C11orf97: variants seen among roughly 807,000 people sequenced by gnomAD.
C11orf97 encodes the protein uncharacterized protein C11orf97.
Under a neutral mutation model 16.2 loss-of-function variants are expected in C11orf97, and 15 were observed. That is an observed-to-expected ratio of 0.93 (90% confidence interval 0.62 to 1.43). The LOEUF is 1.43. C11orf97 is among the 40% of genes most tolerant of loss of function. C11orf97 has a pLI of 0.00. For synonymous variants in C11orf97, 61 were observed against 65.7 expected (o/e 0.93, Z 0.34); for missense variants, 171 against 161.2 (o/e 1.06, Z -0.33).
chr11:94,524,763 A>G (rs1947686543), intron 2 of C11orf97, among the ~76,000 whole-genome samples: 1 of 152,210 alleles, frequency 6.6e-6, no homozygotes, highest in African/African-American at 2.4e-5. Context: ...TTTCAAAAAG[A>G]AAAATGTAGA....
chr11:94,517,033 C>G lies in C11orf97; in HGVS notation c.146-550C>G, dbSNP rs144169012. ...TTAAAACAAACAATTCAGTCCTTGA[C>G]TGTAGTAGTCATGTCCTATAGGTCC... is the stretch of plus-strand genomic sequence containing the variant. On this transcript the variant is annotated intron_variant, in intron 1 of 3. Coordinates refer to ENST00000542198, the MANE Select transcript of C11orf97 (RefSeq NM_001190462.2). 3.2e-3 allele frequency among the ~76,000 whole-genome samples: 484 copies of G among 152,362 alleles called. 4 individuals carry two copies. The highest frequency in any genetic ancestry group is 0.011 in the African/African-American group (467 of 41,586).
At chr11:94,516,977 A>G (rs1947615919) in intron 1 of C11orf97, among the ~76,000 whole-genome samples, 1 of 152,198 alleles carries the variant, frequency 6.6e-6, no homozygotes, top group African/African-American at 2.4e-5. Context: ...GGGCTGAGCT[A>G]CATTTCTGAG....
intron 1 of C11orf97, among the ~76,000 whole-genome samples, chr11:94,516,541 G>A (rs1236399113): frequency 6.6e-6 from 1 of 152,136 alleles, no homozygotes; most frequent in Admixed American, 6.5e-5. Flanking sequence ...CTGATGAACT[G>A]AAGAGACAAC....
rs556661417 is a variant in C11orf97 at position 94,519,809 on chromosome 11, G to A, written c.250+2122G>A. On this transcript the variant is annotated intron_variant, in intron 2 of 3. Coordinates refer to ENST00000542198, the MANE Select transcript of C11orf97 (RefSeq NM_001190462.2). The stretch of plus-strand genomic sequence containing the variant: ...GTTTTTAAAATATATATCATGGCTA[G>A]AAGCCACATACCATTGGCCAGAACA... Among the ~76,000 whole-genome samples the A allele has an allele frequency of 1.6e-4, 24 of 152,328 alleles. 1 individual carries two copies. The East Asian group carries it at 4.6e-3, about 29-fold the overall frequency.
At chr11:94,514,078 G>A (rs1290377388) in intron 1 of C11orf97, among the ~76,000 whole-genome samples, 1 of 152,088 alleles carries the variant, frequency 6.6e-6, no homozygotes, top group African/African-American at 2.4e-5. Flanking sequence ...CCAAAGTGCT[G>A]GGATTACAGG....
chr11:94,531,868 A>T, intron 3 of C11orf97, 28 bp from the exon 4 acceptor site: 1 of 1,413,000 alleles, frequency 7.1e-7, no homozygotes, highest in Admixed American at 3.1e-5. Context: ...TAAAACACTT[A>T]TTTTTTCACT....
At chr11:94,513,247 T>C (rs1381448658) in intron 1 of C11orf97, among the ~76,000 whole-genome samples, 1 of 152,194 alleles carries the variant, frequency 6.6e-6, no homozygotes, top group East Asian at 1.9e-4. Context: ...TAACGCACTG[T>C]TCTTTGCTCT....
At chr11:94,513,623 G>A (rs1285395451) in intron 1 of C11orf97, among the ~76,000 whole-genome samples, 2 of 152,188 alleles carry the variant, frequency 1.3e-5, no homozygotes, top group Non-Finnish European at 1.5e-5. Flanking sequence ...CTCCTCCCCA[G>A]AGACCTCATC....
At position 94,517,789 on chromosome 11, in the gene C11orf97, G is replaced by T. The variant is rs937676064; in HGVS notation, c.250+102G>T. Reference sequence around the variant, plus strand: ...TAAAACCATACTATTGAAATAAAAAGTTTTTGGAAAGTTCTTGAACTAGTT... The same window carrying T: ...TAAAACCATACTATTGAAATAAAAATTTTTTGGAAAGTTCTTGAACTAGTT... On this transcript the variant is annotated intron_variant, in intron 2 of 3. Transcript: ENST00000542198. 7 of 789,154 alleles carry T rather than the reference G, an allele frequency of 8.9e-6. No individual in the cohort carries two copies. In the Admixed American group the frequency reaches 1.1e-4, roughly 13 times the overall value. 48.9% of individuals were successfully genotyped at this position (789,154 alleles called of 1,614,324 possible). A position where few individuals can be genotyped will look rare whatever the true frequency, so the allele number is the denominator to read the frequency against.
At chr11:94,523,895 C>G (rs1386965119) in intron 2 of C11orf97, among the ~76,000 whole-genome samples, 2 of 152,132 alleles carry the variant, frequency 1.3e-5, no homozygotes, top group Non-Finnish European at 2.9e-5. Context: ...GTGGTTGTTA[C>G]TTTGCACTCT....
chr11:94,514,583 G>A (rs1469276039), intron 1 of C11orf97, among the ~76,000 whole-genome samples: 2 of 150,886 alleles, frequency 1.3e-5, no homozygotes, highest in Admixed American at 6.6e-5. Flanking sequence ...AGCTCCTTGA[G>A]CACCAACCAA....
intron 3 of C11orf97, among the ~76,000 whole-genome samples, chr11:94,528,564 TGGAAATGAGGAAAG>T (rs869094383): frequency 1.2e-4 from 19 of 152,070 alleles, no homozygotes; most frequent in African/African-American, 3.6e-4. Flanking sequence ...TGTTTCCCAG[TGGAAATGAGGAAAG>T]GGAAATGAGG....
intron 2 of C11orf97, among the ~76,000 whole-genome samples, chr11:94,520,889 C>A (rs1420510025): frequency 6.6e-6 from 1 of 152,188 alleles, no homozygotes; most frequent in Non-Finnish European, 1.5e-5. Flanking sequence ...CACCTCCATG[C>A]TTAAAGTTGT....
chr11:94,525,069 G>GAAAAAAAAAA, intron 2 of C11orf97, among the ~76,000 whole-genome samples: 1 of 69,302 alleles, frequency 1.4e-5, no homozygotes, highest in Non-Finnish European at 2.9e-5. Flanking sequence ...AAGAAAAAAA[G>GAAAAAAAAAA]AAAAAAAAAA....
intron 2 of C11orf97, among the ~76,000 whole-genome samples, chr11:94,518,110 T>C (rs1947625742): frequency 7.1e-6 from 1 of 140,662 alleles, no homozygotes; most frequent in South Asian, 2.2e-4. Flanking sequence ...ATCGCGCCAC[T>C]GTACCCCAGC....
chr11:94,528,086 GC>G lies in C11orf97; in HGVS notation c.256del (p.Leu86TrpfsTer16). The G allele has an allele frequency of 6.5e-7, 1 of 1,528,004 alleles. No individual in the cohort carries two copies. The allele number at this position is 1,528,004 out of a possible 1,614,324, so 94.7% of individuals were successfully genotyped here. On this transcript the variant is annotated frameshift_variant, in exon 3 of 4. Transcript: ENST00000542198. LOFTEE classifies it high-confidence loss of function. ...CTTGCCTTAAAAAATATTGACAGTG[GC>G]CCTGGAAGGGATTTGGAGCATTAAA... ...ECHIKNPAAV[A>X]LEGIWSIKRN...
At chr11:94,526,974 C>G (rs1947705806) in intron 2 of C11orf97, among the ~76,000 whole-genome samples, 1 of 152,184 alleles carries the variant, frequency 6.6e-6, no homozygotes, top group African/African-American at 2.4e-5. Context: ...ATAGTAAAAT[C>G]ATTCTCCCTG....
chr11:94,514,640 C>CTTTTT (rs10562282), intron 1 of C11orf97, among the ~76,000 whole-genome samples: 1 of 82,466 alleles, frequency 1.2e-5, no homozygotes, highest in African/African-American at 4.7e-5. Flanking sequence ...TTATTTTTGC[C>CTTTTT]TTTTTTTTTT....
chr11:94,512,816 A>G, intron 1 of C11orf97, 143 bp downstream of exon 1: 2 of 893,824 alleles, frequency 2.2e-6, no homozygotes, highest in Non-Finnish European at 2.9e-6. Context: ...GCAGAACCAG[A>G]GATGATGGCA....
Sources: gnomAD v4.1 joint callset for allele counts (sites outside exome capture counted in the v4.1 genomes callset) on GRCh38, gnomAD v4.1.1 for gene constraint, MANE v1.5 for transcripts, NCBI Gene and HGNC (gene_info 2026-07-23, HGNC 2026-07-21) for gene names.